Variants in ARHGEF38 observed in about 807,000 individuals in gnomAD.
ARHGEF38 encodes the protein Rho guanine nucleotide exchange factor (GEF) 38.
In ARHGEF38, 79 loss-of-function variants were observed where a neutral mutation model predicts 79.9. The ratio of observed to expected loss-of-function variants is 0.99; its 90% CI spans 0.82 to 1.19. The LOEUF (loss-of-function observed/expected upper bound fraction) is 1.19. ARHGEF38 is among the 50% of genes most tolerant of loss of function. ARHGEF38 has a pLI of 0.00. For synonymous variants in ARHGEF38, 366 were observed against 328.3 expected (o/e 1.11, Z -1.24); for missense variants, 962 against 907.2 (o/e 1.06, Z -0.78).
intron 1 of ARHGEF38, among the ~76,000 whole-genome samples, chr4:105,587,664 G>A (rs892168931): frequency 7.9e-5 from 12 of 152,222 alleles, no homozygotes; most frequent in Admixed American, 2.0e-4. Context: ...GTTTCACCGT[G>A]TTAGCCAGGA....
In ARHGEF38 at chr4:105,588,924, G is replaced by C. The variant is rs538211939; in HGVS notation, c.197-324G>C. Among the ~76,000 whole-genome samples the C allele has an allele frequency of 4.8e-4, 73 of 152,294 alleles. 1 individual carries two copies. The South Asian group carries it at 0.013, about 26-fold the overall frequency. The stretch of plus-strand genomic sequence containing the variant: ...CCTTGATTTAAAAGCAAATGTGAAC[G>C]GAAGTTGTGAACTGTTTTTTTTATA... On this transcript the variant is annotated intron_variant, in intron 1 of 13. Transcript: ENST00000420470.
chr4:105,575,369 T>C (rs1370108448), intron 1 of ARHGEF38, among the ~76,000 whole-genome samples: 1 of 152,214 alleles, frequency 6.6e-6, no homozygotes, highest in Non-Finnish European at 1.5e-5. Context: ...TAAGATGGTA[T>C]CCCATTGTGG....
Position 105,641,672 on chromosome 4 carries a change from G to T in ARHGEF38, c.675-3516G>T, listed in dbSNP as rs10032283. 1.7e-3 allele frequency among the ~76,000 whole-genome samples: 262 copies of T among 151,522 alleles called. 2 individuals are homozygous for T. Among genetic ancestry groups the T allele is most frequent in the Non-Finnish European group, 3.0e-3 (200 of 67,776 alleles). ...GTTACATAATTATTCTTTTTTTTAT[G>T]TATTTTTTCCTTCCCATTAAGAAAT... On this transcript the variant is annotated intron_variant, in intron 5 of 13. Transcript: ENST00000420470.
At chr4:105,559,160 G>A (rs1447061341) in intron 1 of ARHGEF38, among the ~76,000 whole-genome samples, 1 of 152,078 alleles carries the variant, frequency 6.6e-6, no homozygotes, top group Admixed American at 6.6e-5. Context: ...ATTATTGCAA[G>A]AGTTGCTAAA....
At chr4:105,674,103 A>G (rs1731044016) in intron 13 of ARHGEF38, among the ~76,000 whole-genome samples, 1 of 152,190 alleles carries the variant, frequency 6.6e-6, no homozygotes, top group Non-Finnish European at 1.5e-5. Flanking sequence ...GGAAGGAAAA[A>G]TCAAATGCAC....
Position 105,679,651 on chromosome 4 carries a change from T to C in ARHGEF38, c.*1714T>C. ...AATGGAAGCCAGAGACCTTATGGCATCCATGCTTTTAAATTTAACTAAATC... is the reference window on the plus strand; with the variant it reads ...AATGGAAGCCAGAGACCTTATGGCACCCATGCTTTTAAATTTAACTAAATC... On this transcript the variant is annotated 3_prime_UTR_variant, in exon 14 of 14. Coordinates refer to ENST00000420470, the MANE Select transcript of ARHGEF38 (RefSeq NM_001242729.2). 1.3e-6 allele frequency: 1 copy of C among 798,988 alleles called. No individual in the cohort carries two copies. The allele number at this position is 798,988 out of a possible 1,614,324, so 49.5% of individuals were successfully genotyped here. A position where few individuals can be genotyped will look rare whatever the true frequency, so the allele number is the denominator to read the frequency against.
In ARHGEF38 at chr4:105,552,970, A is replaced by G. The variant is rs765181933; in HGVS notation, c.196+9A>G. 8 of 1,599,564 alleles carry G rather than the reference A, an allele frequency of 5.0e-6. No individual in the cohort carries two copies. In the African/African-American group the frequency reaches 9.4e-5, roughly 19 times the overall value. On this transcript the variant is annotated intron_variant, in intron 1 of 13. Transcript: ENST00000420470. ...CAACCAGAAATTACAAGGTAACCAA[A>G]AAGAAATCAATTGTCCCAGTTACTG...
intron 1 of ARHGEF38, among the ~76,000 whole-genome samples, chr4:105,565,443 G>T (rs572055961): frequency 1.3e-5 from 2 of 152,284 alleles, no homozygotes; most frequent in East Asian, 3.9e-4. Context: ...GCTAAGCCAA[G>T]ATTTTTTTGG....
chr4:105,660,792 T>C (rs943667008), intron 10 of ARHGEF38, among the ~76,000 whole-genome samples: 1 of 152,214 alleles, frequency 6.6e-6, no homozygotes, highest in African/African-American at 2.4e-5. Context: ...CATGGCTGTA[T>C]AATAATGTAT....
chr4:105,666,851 G>A (rs1055788153), intron 11 of ARHGEF38, among the ~76,000 whole-genome samples: 2 of 152,184 alleles, frequency 1.3e-5, no homozygotes, highest in Non-Finnish European at 2.9e-5. Context: ...TAAAATGGTT[G>A]TGCAACATCC....
At chr4:105,583,361 A>G (rs1006029801) in intron 1 of ARHGEF38, among the ~76,000 whole-genome samples, 1 of 152,150 alleles carries the variant, frequency 6.6e-6, no homozygotes, top group Non-Finnish European at 1.5e-5. Context: ...TGTCCTGTCC[A>G]CCAAATCTCT....
Position 105,677,918 on chromosome 4 carries a change from G to A in ARHGEF38, c.2315G>A (p.Gly772Glu). 6.6e-7 allele frequency: 1 copy of A among 1,524,540 alleles called. No individual in the cohort carries two copies. Among genetic ancestry groups the A allele is most frequent in the East Asian group, 2.5e-5 (1 of 40,724 alleles). 94.4% of individuals were successfully genotyped at this position (1,524,540 alleles called of 1,614,324 possible). ...QKGYVPANYL[G>E]KMTYA ...GGATACGTGCCAGCTAACTACCTTG[G>A]AAAGATGACTTATGCTTAAGAAAAT... Residue 772 changes from glycine (G) to glutamate (E), a missense_variant, in exon 14 of 14, where the codon GGA becomes GAA. By Grantham distance (98) the Gly-to-Glu change is moderately conservative. Transcript: ENST00000420470.
chr4:105,554,849 A>G (rs940988218), intron 1 of ARHGEF38, among the ~76,000 whole-genome samples: 1 of 152,280 alleles, frequency 6.6e-6, no homozygotes, highest in South Asian at 2.1e-4. Flanking sequence ...AAGTTTGTAT[A>G]CCTTATTTCT....
At chr4:105,614,060 C>T (rs779548126) in intron 3 of ARHGEF38, among the ~76,000 whole-genome samples, 27 of 151,908 alleles carry the variant, frequency 1.8e-4, no homozygotes, top group Non-Finnish European at 2.6e-4. Context: ...TATTTATTTT[C>T]TTACTATGGT....
intron 1 of ARHGEF38, among the ~76,000 whole-genome samples, chr4:105,578,342 T>TTGTG (rs905477697): frequency 1.1e-4 from 17 of 152,198 alleles, no homozygotes; most frequent in African/African-American, 3.6e-4. Flanking sequence ...TGTGGCCTAT[T>TTGTG]GTATGGTCTG....
chr4:105,602,554 A>G (rs1727869810), intron 2 of ARHGEF38, among the ~76,000 whole-genome samples: 2 of 152,096 alleles, frequency 1.3e-5, no homozygotes. Flanking sequence ...AATGTTGGAG[A>G]TAGTGTGGTT....
chr4:105,580,744 G>A (rs1405435746), intron 1 of ARHGEF38, among the ~76,000 whole-genome samples: 1 of 152,070 alleles, frequency 6.6e-6, no homozygotes, highest in Non-Finnish European at 1.5e-5. Context: ...ACAGAGTCTT[G>A]CTCTGTTGCC....
rs570491596 is a variant in ARHGEF38, at chr4:105,636,887, A to T, written c.674+467A>T. ...TATGATTTATGGAGAAAAAAATCATACACATTATAGCATGAAAATGAAATA... is the reference window on the plus strand; with the variant it reads ...TATGATTTATGGAGAAAAAAATCATTCACATTATAGCATGAAAATGAAATA... On this transcript the variant is annotated intron_variant, in intron 5 of 13. Transcript: ENST00000420470. Among the ~76,000 whole-genome samples, 16 of 152,288 alleles carry T rather than the reference A, an allele frequency of 1.1e-4. No individual in the cohort carries two copies. The East Asian group carries it at 2.9e-3, about 27-fold the overall frequency.
intron 10 of ARHGEF38, among the ~76,000 whole-genome samples, chr4:105,663,604 A>G (rs1417038224): frequency 6.6e-6 from 1 of 152,230 alleles, no homozygotes; most frequent in Non-Finnish European, 1.5e-5. Context: ...AATGTCCTCA[A>G]GATTCATTCG....
Sources: gnomAD v4.1 joint callset for allele counts (sites outside exome capture counted in the v4.1 genomes callset) on GRCh38, gnomAD v4.1.1 for gene constraint, MANE v1.5 for transcripts, NCBI Gene and HGNC (gene_info 2026-07-23, HGNC 2026-07-21) for gene names.